The following SMYD1 variants were observed in gnomAD, a reference collection of about 807,000 sequenced individuals.
SMYD1 encodes the protein SET and MYND domain containing 1.
In SMYD1, 49 loss-of-function variants were observed where a neutral mutation model predicts 54.0. That is an observed-to-expected ratio of 0.91 (90% CI 0.72 to 1.15). The LOEUF (loss-of-function observed/expected upper bound fraction) is 1.15, where lower values mean the gene tolerates loss of function less well. SMYD1 is among the 50% of genes most tolerant of loss of function. The probability of loss-of-function intolerance (pLI) is 0.00; values close to 1 mark genes in which losing one functional copy is unlikely to be tolerated. For missense variants in SMYD1, 653 were observed against 639.6 expected, an observed-to-expected ratio of 1.02 and a Z score of -0.23; for synonymous variants, 269 against 234.2, an observed-to-expected ratio of 1.15 and a Z score of -1.36.
At chr2:88,079,037 TG>T (rs1327536127) in intron 1 of SMYD1, among the ~76,000 whole-genome samples, 1 of 152,260 alleles carries the variant, frequency 6.6e-6, no homozygotes, top group African/African-American at 2.4e-5. Flanking sequence ...AAGTTCACCA[TG>T]GGAAAAGAAA....
At chr2:88,082,461 C>T (rs1039828477) in intron 1 of SMYD1, 1 of 152,806 alleles carries the variant, frequency 6.5e-6, no homozygotes, top group East Asian at 1.9e-4. Context: ...AGAGCAGTAG[C>T]CCCTGCGGTG....
At chr2:88,084,147 G>T (rs1263820265) in intron 1 of SMYD1, among the ~76,000 whole-genome samples, 169 bp from the exon 2 acceptor site, 2 of 152,210 alleles carry the variant, frequency 1.3e-5, no homozygotes, top group African/African-American at 4.8e-5. Flanking sequence ...GTTATAGCTG[G>T]GAAGGGCCTT....
chr2:88,104,366 C>G (rs868199847), intron 7 of SMYD1, among the ~76,000 whole-genome samples: 1 of 152,230 alleles, frequency 6.6e-6, no homozygotes. Context: ...ACAAGACACT[C>G]TCCTTGCCTG....
Position 88,112,291 on chromosome 2 carries a change from A to T in SMYD1, c.*1779A>T. 1 of 618,994 alleles carries T rather than the reference A, an allele frequency of 1.6e-6. No individual in the cohort carries two copies. The highest frequency in any genetic ancestry group is 1.9e-5 in the South Asian group (1 of 52,428). The allele number at this position is 618,994 out of a possible 1,614,324, so 38.3% of individuals were successfully genotyped here. On this transcript the variant is annotated 3_prime_UTR_variant, in exon 10 of 10. Transcript: ENST00000419482. ...GCTAAGCCCCTGGTCATTTCCCCATATTCGTAGTCTTTTTTTCCATCCTAT... is the reference window on the plus strand; with the variant it reads ...GCTAAGCCCCTGGTCATTTCCCCATTTTCGTAGTCTTTTTTTCCATCCTAT...
rs762392007 is a variant in SMYD1 at position 88,110,487 on chromosome 2, C to T, written c.1448C>T (p.Pro483Leu). ...VMAEPSNEPSPALFHKKQ is the reference protein window; with the variant it reads ...VMAEPSNEPSLALFHKKQ ...GCCGAGCCCAGCAATGAGCCATCCC[C>T]AGCTCTGTTCCACAAGAAGCAATGA... The change falls in exon 10 of 10, where the codon CCA (proline) becomes CTA (leucine). Residue 483 changes from proline to leucine, a missense_variant. Physicochemically the swap from Pro to Leu is moderately conservative, Grantham distance 98. Coordinates refer to ENST00000419482, the MANE Select transcript of SMYD1 (RefSeq NM_198274.4). 1 of 1,592,350 alleles carries T rather than the reference C, an allele frequency of 6.3e-7. No homozygotes were observed. The highest frequency in any genetic ancestry group is 1.8e-5 in the Admixed American group (1 of 56,822).
intron 6 of SMYD1, among the ~76,000 whole-genome samples, chr2:88,097,620 G>T (rs895885941): frequency 6.6e-6 from 1 of 152,062 alleles, no homozygotes; most frequent in Admixed American, 6.6e-5. Context: ...AGTCCTATTG[G>T]GTTAGGAGCC....
Position 88,091,033 on chromosome 2 carries a change from C to T in SMYD1, c.550C>T (p.Leu184Phe). 6.2e-7 allele frequency: 1 copy of T among 1,614,008 alleles called. No homozygotes were observed. The highest frequency in any genetic ancestry group is 8.5e-7 in the Non-Finnish European group (1 of 1,179,956). ...GTAGATTAACTGCAACGGTTTTACT[C>T]TCAGTGATCAGAGAGGCCTGCAGGC... ...FGVINCNGFTLSDQRGLQAVG... is the reference protein window; with the variant it reads ...FGVINCNGFTFSDQRGLQAVG... Residue 184 changes from leucine to phenylalanine, a missense_variant, in exon 4 of 10, where the codon CTC becomes TTC. By Grantham distance (22) the Leu-to-Phe change is conservative (BLOSUM62 0). Transcript: ENST00000419482.
intron 9 of SMYD1, 33 bp downstream of exon 9, chr2:88,108,572 C>T: frequency 6.5e-7 from 1 of 1,527,958 alleles, no homozygotes; most frequent in Non-Finnish European, 8.8e-7. Context: ...TGTTCCCTTC[C>T]TGGCCTGAGC....
At chr2:88,081,445 T>C (rs1674189999) in intron 1 of SMYD1, among the ~76,000 whole-genome samples, 1 of 151,756 alleles carries the variant, frequency 6.6e-6, no homozygotes, top group African/African-American at 2.4e-5. Flanking sequence ...TTTTTCTTTT[T>C]TTTTTTTTTG....
intron 1 of SMYD1, among the ~76,000 whole-genome samples, chr2:88,080,299 G>A (rs992442813): frequency 2.8e-5 from 4 of 142,872 alleles, no homozygotes; most frequent in Admixed American, 7.0e-5. Flanking sequence ...ATTTGTGTTT[G>A]AAATTTAAAA....
At position 88,096,608 on chromosome 2, in the gene SMYD1, G is replaced by A. The variant is rs1179798937; in HGVS notation, c.712G>A (p.Ala238Thr). The change falls in exon 6 of 10, where the codon GCC (alanine) becomes ACC (threonine). Residue 238 changes from alanine (A) to threonine (T), a missense_variant. Transcript: ENST00000419482. ...ACCCTGCTTCAGAATTGAGCTCCGG[G>A]CCCTAGGCAAGATCTCAGAAGGAGA... ...FHTQMRIELR[A>T]LGKISEGEEL... 5 of 1,612,202 alleles carry A rather than the reference G, an allele frequency of 3.1e-6. No individual in the cohort carries two copies. The highest frequency in any genetic ancestry group is 1.7e-5 in the Admixed American group (1 of 59,730).
intron 6 of SMYD1, among the ~76,000 whole-genome samples, chr2:88,097,635 C>G (rs971992771): frequency 6.6e-6 from 1 of 152,182 alleles, no homozygotes; most frequent in South Asian, 2.1e-4. Flanking sequence ...GGAGCCCACT[C>G]TACTCCAGTA....
intron 3 of SMYD1, among the ~76,000 whole-genome samples, chr2:88,089,804 C>G (rs1674423919): frequency 6.6e-6 from 1 of 151,734 alleles, no homozygotes; most frequent in African/African-American, 2.4e-5. Context: ...ATTGCCCAGG[C>G]TGATCTCAAA....
intron 1 of SMYD1, among the ~76,000 whole-genome samples, chr2:88,080,696 G>A (rs1013896881): frequency 1.1e-4 from 16 of 152,132 alleles, no homozygotes; most frequent in African/African-American, 3.1e-4. Context: ...TTCCTTCCTC[G>A]TTCCTAACCT....
chr2:88,079,536 A>AG (rs918124155), intron 1 of SMYD1, among the ~76,000 whole-genome samples: 2 of 152,140 alleles, frequency 1.3e-5, no homozygotes, highest in African/African-American at 4.8e-5. Flanking sequence ...TCACTGAGTA[A>AG]GGGGTCTTTG....
chr2:88,108,628 A>G, intron 9 of SMYD1, 89 bp downstream of exon 9: 1 of 1,310,252 alleles, frequency 7.6e-7, no homozygotes, highest in Non-Finnish European at 1.0e-6. Context: ...TGCTTTAGAA[A>G]AGTCCACATA....
chr2:88,101,811 G>GATAT (rs1369673554), intron 6 of SMYD1, among the ~76,000 whole-genome samples: 2 of 152,140 alleles, frequency 1.3e-5, no homozygotes, highest in Non-Finnish European at 2.9e-5. Flanking sequence ...TCACCCTATT[G>GATAT]TCCAGGTTGG....
At chr2:88,095,603 T>G (rs1165025292) in intron 5 of SMYD1, among the ~76,000 whole-genome samples, 1 of 152,162 alleles carries the variant, frequency 6.6e-6, no homozygotes, top group Admixed American at 6.5e-5. Context: ...GCAGATGCTC[T>G]CCCCAGCCCT....
At chr2:88,103,630 C>T (rs1322658541) in intron 7 of SMYD1, among the ~76,000 whole-genome samples, 2 of 152,072 alleles carry the variant, frequency 1.3e-5, no homozygotes, top group African/African-American at 4.8e-5. Flanking sequence ...TTTTGATGCT[C>T]AGGCCCCCAC....
Sources: gnomAD v4.1 joint callset for allele counts (sites outside exome capture counted in the v4.1 genomes callset) on GRCh38, gnomAD v4.1.1 for gene constraint, MANE v1.5 for transcripts, NCBI Gene and HGNC (gene_info 2026-07-23, HGNC 2026-07-21) for gene names.